Variants in GNB5 observed in about 807,000 individuals in gnomAD.
GNB5 encodes guanine nucleotide-binding protein subunit beta-5.
GNB5 carries 37 observed loss-of-function variants against 55.3 expected under a neutral mutation model. That is an observed-to-expected ratio of 0.67 (90% CI 0.51 to 0.88). The LOEUF is 0.88. Ranked by LOEUF, GNB5 falls within the 40% of genes least tolerant of loss-of-function variation. The probability of loss-of-function intolerance (pLI) is 0.00; values close to 1 mark genes in which losing one functional copy is unlikely to be tolerated. For synonymous variants in GNB5, 219 were observed against 198.5 expected (o/e 1.10, Z -0.87); for missense variants, 476 against 515.3 (o/e 0.92, Z 0.74).
At chr15:52,140,516 T>G (rs977170735) in intron 7 of GNB5, among the ~76,000 whole-genome samples, 1 of 152,218 alleles carries the variant, frequency 6.6e-6, no homozygotes, top group African/African-American at 2.4e-5. Context: ...TGAAGGTCCC[T>G]GAGGGCCAAG....
chr15:52,148,707 G>C, intron 5 of GNB5, among the ~76,000 whole-genome samples: 1 of 152,204 alleles, frequency 6.6e-6, no homozygotes, highest in East Asian at 1.9e-4. Context: ...AATTACATGT[G>C]TTTTTGTGGG....
intron 7 of GNB5, chr15:52,137,776 C>A: frequency 1.6e-6 from 2 of 1,228,450 alleles, no homozygotes; most frequent in South Asian, 1.4e-5. Flanking sequence ...ATCACAGAGC[C>A]CTGGAGCCAG....
At chr15:52,128,743 T>C (rs1356620439) in intron 9 of GNB5, 1 of 457,422 alleles carries the variant, frequency 2.2e-6, no homozygotes, top group Admixed American at 2.3e-5. Context: ...GAAGATTACA[T>C]AAGACAGTCC....
At chr15:52,150,762 C>T (rs2034074985) in intron 4 of GNB5, among the ~76,000 whole-genome samples, 1 of 152,204 alleles carries the variant, frequency 6.6e-6, no homozygotes, top group South Asian at 2.1e-4. Context: ...GAGGTAAATC[C>T]ATGTGAGCCC....
chr15:52,175,410 A>G (rs1018135141), intron 3 of GNB5, among the ~76,000 whole-genome samples: 12 of 152,180 alleles, frequency 7.9e-5, no homozygotes, highest in African/African-American at 2.9e-4. Context: ...TGGGAATCTC[A>G]GCTGGGCAAG....
At chr15:52,159,151 G>T (rs1403195963) in intron 3 of GNB5, among the ~76,000 whole-genome samples, 1 of 152,174 alleles carries the variant, frequency 6.6e-6, no homozygotes, top group Admixed American at 6.5e-5. Context: ...CAACCTGATT[G>T]CAGAGTAAGG....
At chr15:52,174,765 G>A (rs1165384506) in intron 3 of GNB5, among the ~76,000 whole-genome samples, 1 of 152,018 alleles carries the variant, frequency 6.6e-6, no homozygotes, top group Non-Finnish European at 1.5e-5. Context: ...GGGTCTCCTG[G>A]GGTGCAGGAC....
Position 52,179,872 on chromosome 15 carries a change from G to A in GNB5, c.134C>T (p.Thr45Ile). 1 of 1,543,276 alleles carries A rather than the reference G, an allele frequency of 6.5e-7. No homozygotes were observed. The highest frequency in any genetic ancestry group is 2.7e-5 in the East Asian group (1 of 37,518). ...YCSTCAEIMA[T>I]EGLHENETLA... Reference sequence around the variant, plus strand: ...CGTCTCGTTCTCGTGCAGCCCCTCGGTTGCCATCTTCGCGCGGGGACGCAG... The same window carrying A: ...CGTCTCGTTCTCGTGCAGCCCCTCGATTGCCATCTTCGCGCGGGGACGCAG... The change falls in exon 3 of 13, where the codon ACC becomes ATC. Residue 45 changes from threonine to isoleucine, a missense_variant. Physicochemically the swap from Thr to Ile is moderately conservative, Grantham distance 89. Transcript: ENST00000261837.
At chr15:52,190,140 CAG>C (rs2034900040) in intron 1 of GNB5, among the ~76,000 whole-genome samples, 3 of 138,102 alleles carry the variant, frequency 2.2e-5, no homozygotes, top group Admixed American at 7.6e-5. Context: ...TTTTTTTAGA[CAG>C]AGTCTTGCTC....
chr15:52,185,611 C>T (rs1194304679), intron 1 of GNB5, among the ~76,000 whole-genome samples: 9 of 151,970 alleles, frequency 5.9e-5, no homozygotes, highest in Admixed American at 6.6e-5. Context: ...TCAGACAAGA[C>T]GCGAGGAAGT....
chr15:52,124,436 T>G (rs1371203775), intron 12 of GNB5, 37 bp downstream of exon 12: 1 of 1,559,396 alleles, frequency 6.4e-7, no homozygotes, highest in Admixed American at 1.7e-5. Flanking sequence ...TCCTCTCTCC[T>G]CTCACACACA....
intron 12 of GNB5, among the ~76,000 whole-genome samples, chr15:52,124,151 T>C (rs1421246667): frequency 6.6e-6 from 1 of 152,176 alleles, no homozygotes; most frequent in Admixed American, 6.5e-5. Context: ...TTATCTGTGG[T>C]TTGCCAAAGG....
chr15:52,152,410 G>A (rs1312511625), intron 4 of GNB5, among the ~76,000 whole-genome samples: 11 of 149,044 alleles, frequency 7.4e-5, no homozygotes, highest in Admixed American at 2.0e-4. Flanking sequence ...TGCAACCTCC[G>A]CCTCCTAGGT....
intron 2 of GNB5, among the ~76,000 whole-genome samples, chr15:52,182,925 G>A (rs1199251286): frequency 6.6e-6 from 1 of 152,260 alleles, no homozygotes; most frequent in Admixed American, 6.5e-5. Context: ...GCCAAGGTGA[G>A]TGTATCACCT....
In GNB5 at chr15:52,126,051, A is replaced by G. The variant is rs752955089; in HGVS notation, c.913-7T>C. 8 of 1,431,490 alleles carry G rather than the reference A, an allele frequency of 5.6e-6. No individual in the cohort carries two copies. In the East Asian group the frequency reaches 1.6e-4, roughly 29 times the overall value. The allele number at this position is 1,431,490 out of a possible 1,614,324, so 88.7% of individuals were successfully genotyped here. ...GCAGGTCATAGAGGCGACACTGGGG[A>G]GCAAATAAATAAAGAAGCACTTACT... On this transcript the variant is annotated splice_region_variant and splice_polypyrimidine_tract_variant and intron_variant, in intron 10 of 12. Coordinates refer to ENST00000261837, the MANE Select transcript of GNB5 (RefSeq NM_016194.4).
intron 3 of GNB5, among the ~76,000 whole-genome samples, chr15:52,158,104 C>T (rs756235856): frequency 6.6e-6 from 1 of 152,004 alleles, no homozygotes; most frequent in Non-Finnish European, 1.5e-5. Context: ...AGAAATTCCA[C>T]TAGCTCTAGG....
At chr15:52,151,858 T>C (rs1039603022) in intron 4 of GNB5, among the ~76,000 whole-genome samples, 1 of 151,878 alleles carries the variant, frequency 6.6e-6, no homozygotes, top group Non-Finnish European at 1.5e-5. Context: ...ATAATCTCAG[T>C]GCTTTCAGAG....
At chr15:52,163,795 G>C (rs2034392462) in intron 3 of GNB5, among the ~76,000 whole-genome samples, 1 of 152,202 alleles carries the variant, frequency 6.6e-6, no homozygotes, top group Non-Finnish European at 1.5e-5. Context: ...CTCCCAACAG[G>C]GGTCTACAAA....
intron 3 of GNB5, among the ~76,000 whole-genome samples, chr15:52,177,618 TC>T (rs2034676900): frequency 6.9e-6 from 1 of 145,712 alleles, no homozygotes; most frequent in Non-Finnish European, 1.5e-5. Context: ...GCCATTGTAC[TC>T]CAGCCTGGGT....
Sources: allele counts gnomAD v4.1 joint callset (sites outside exome capture counted in the v4.1 genomes callset), GRCh38; gene constraint gnomAD v4.1.1; transcripts MANE v1.5; gene names NCBI Gene and HGNC (gene_info 2026-07-23, HGNC 2026-07-21).